The following NAALADL2 variants were observed in gnomAD, a reference collection of about 807,000 sequenced individuals.
NAALADL2 encodes inactive N-acetylated-alpha-linked acidic dipeptidase-like protein 2.
In NAALADL2, 76 loss-of-function variants were observed where a neutral mutation model predicts 87.2. The ratio of observed to expected loss-of-function variants is 0.87; its 90% CI spans 0.72 to 1.05. NAALADL2 has a LOEUF of 1.05. Among genes scored for constraint, NAALADL2 ranks in the 50% least tolerant of loss-of-function variants. The pLI is 0.00. For synonymous variants in NAALADL2, 354 were observed against 331.0 expected, an observed-to-expected ratio of 1.07 and a Z score of -0.75; for missense variants, 1,089 against 945.8, an observed-to-expected ratio of 1.15 and a Z score of -1.99.
At chr3:175,331,939 T>A (rs1761454916) in intron 5 of NAALADL2, among the ~76,000 whole-genome samples, 1 of 152,032 alleles carries the variant, frequency 6.6e-6, no homozygotes, top group African/African-American at 2.4e-5. Context: ...TGTAAACCAA[T>A]AACAAATGAG....
At chr3:175,342,143 C>A (rs1482494193) in intron 5 of NAALADL2, among the ~76,000 whole-genome samples, 1 of 152,018 alleles carries the variant, frequency 6.6e-6, no homozygotes, top group Non-Finnish European at 1.5e-5. Context: ...AATTCTTGGT[C>A]TCTTACATTT....
At chr3:175,343,208 CA>C (rs1405095417) in intron 5 of NAALADL2, among the ~76,000 whole-genome samples, 1 of 151,924 alleles carries the variant, frequency 6.6e-6, no homozygotes, top group African/African-American at 2.4e-5. Context: ...CCTCTACCTA[CA>C]ATACATTGCC....
intron 2 of NAALADL2, among the ~76,000 whole-genome samples, chr3:174,710,712 C>A (rs1730547502): frequency 6.6e-6 from 1 of 152,124 alleles, no homozygotes; most frequent in Admixed American, 6.5e-5. Flanking sequence ...AGAGAAATTC[C>A]TAGCTGATAG....
At chr3:174,802,828 C>T (rs1719001394) in intron 3 of NAALADL2, among the ~76,000 whole-genome samples, 1 of 152,120 alleles carries the variant, frequency 6.6e-6, no homozygotes, top group South Asian at 2.1e-4. Context: ...TTTTTTATGC[C>T]TGTATGGTAT....
chr3:174,767,778 C>T (rs529455428), intron 3 of NAALADL2, among the ~76,000 whole-genome samples: 1 of 152,308 alleles, frequency 6.6e-6, no homozygotes, highest in South Asian at 2.1e-4. Context: ...AGAACAACTG[C>T]TTATCCTTTT....
chr3:174,652,385 C>T (rs150383139), intron 2 of NAALADL2, among the ~76,000 whole-genome samples: 104 of 152,220 alleles, frequency 6.8e-4, no homozygotes, highest in African/African-American at 2.3e-3. Flanking sequence ...CATTGCTATA[C>T]GGATATATCC....
At chr3:175,658,951 T>C (rs1731886807) in intron 11 of NAALADL2, among the ~76,000 whole-genome samples, 1 of 152,084 alleles carries the variant, frequency 6.6e-6, no homozygotes, top group Non-Finnish European at 1.5e-5. Flanking sequence ...CACAGTTGTA[T>C]TTGCTATATT....
chr3:175,356,401 T>G (rs570885052), intron 5 of NAALADL2, among the ~76,000 whole-genome samples: 1 of 151,836 alleles, frequency 6.6e-6, no homozygotes, highest in African/African-American at 2.4e-5. Flanking sequence ...TAGTGAGACC[T>G]CATTTCTACA....
At chr3:175,665,819 T>C (rs563888607) in intron 11 of NAALADL2, among the ~76,000 whole-genome samples, 1 of 151,988 alleles carries the variant, frequency 6.6e-6, no homozygotes, top group East Asian at 1.9e-4. Context: ...TAGTCCCAGC[T>C]ACTAGGGAGG....
At position 174,763,829 on chromosome 3, in the gene NAALADL2, CAAAAAA is replaced by C. The variant is rs5854592; in HGVS notation, c.-9+26091_-9+26096del. 9.4e-5 allele frequency among the ~76,000 whole-genome samples: 13 copies of C among 138,166 alleles called. No homozygotes were observed. The South Asian group carries it at 1.3e-3, about 14-fold the overall frequency. The allele number at this position is 138,166 out of a possible 152,430, so 90.6% of individuals were successfully genotyped here. On this transcript the variant is annotated intron_variant, in intron 3 of 3. Coordinates refer to the NAALADL2 transcript ENST00000434257. ...TTAGAAAACTAAAACCAAAACAAAA[CAAAAAA>C]AAAAAAACAAACAAAATTTAAAAAA...
intron 1 of NAALADL2, among the ~76,000 whole-genome samples, chr3:174,519,311 A>T (rs1319519772): frequency 6.8e-5 from 10 of 148,096 alleles, no homozygotes; most frequent in African/African-American, 2.4e-4. Context: ...AAACAAGTGA[A>T]TGAATGAAGA....
chr3:175,459,892 T>G (rs1425744276), intron 6 of NAALADL2, among the ~76,000 whole-genome samples: 1 of 152,188 alleles, frequency 6.6e-6, no homozygotes, highest in Admixed American at 6.5e-5. Context: ...GTTTAATCAT[T>G]ACGTATATCT....
intron 11 of NAALADL2, among the ~76,000 whole-genome samples, chr3:175,727,648 T>C (rs912849250): frequency 6.6e-6 from 1 of 152,212 alleles, no homozygotes. Flanking sequence ...CTAATGTCTT[T>C]GAAAACTTAA....
chr3:174,900,131 T>C (rs1432574455), intron 1 of NAALADL2, among the ~76,000 whole-genome samples: 16 of 152,058 alleles, frequency 1.1e-4, no homozygotes, highest in Admixed American at 1.0e-3. Flanking sequence ...TATTACACCA[T>C]TTACAAAGCA....
rs1754583197 is a variant in NAALADL2, at chr3:175,805,065, A to G, written c.*1862A>G. 6.6e-6 allele frequency: 1 copy of G among 151,920 alleles called. No individual in the cohort carries two copies. The highest frequency in any genetic ancestry group is 1.5e-5 in the Non-Finnish European group (1 of 67,902). 9.4% of individuals were successfully genotyped at this position (151,920 alleles called of 1,614,324 possible). ...TCTTCCTCTTCAGAGATCATCAGAAAAGAGGTGGGAATACACAAGCAGGTG... is the reference window on the plus strand; with the variant it reads ...TCTTCCTCTTCAGAGATCATCAGAAGAGAGGTGGGAATACACAAGCAGGTG... On this transcript the variant is annotated 3_prime_UTR_variant, in exon 14 of 14. Transcript: ENST00000454872.
At chr3:175,013,194 A>G (rs1580014155) in intron 1 of NAALADL2, among the ~76,000 whole-genome samples, 1 of 112,540 alleles carries the variant, frequency 8.9e-6, no homozygotes, top group East Asian at 2.3e-4. Context: ...ATAAATATAT[A>G]TACATAAATA....
chr3:174,546,212 T>C (rs1722712525), intron 1 of NAALADL2, among the ~76,000 whole-genome samples: 1 of 152,114 alleles, frequency 6.6e-6, no homozygotes, highest in African/African-American at 2.4e-5. Flanking sequence ...AAGGAATTGA[T>C]TGAAGGTAGA....
At chr3:174,602,439 A>G (rs1718544094) in intron 2 of NAALADL2, among the ~76,000 whole-genome samples, 1 of 152,048 alleles carries the variant, frequency 6.6e-6, no homozygotes, top group Admixed American at 6.6e-5. Flanking sequence ...TAGAAATGCT[A>G]CTGACTTTTG....
chr3:174,604,501 G>A (rs1718782574), intron 2 of NAALADL2, among the ~76,000 whole-genome samples: 1 of 152,002 alleles, frequency 6.6e-6, no homozygotes, highest in African/African-American at 2.4e-5. Context: ...ACTGAGTCCT[G>A]TTTTTTGTTT....
Sources: allele counts gnomAD v4.1 joint callset (sites outside exome capture counted in the v4.1 genomes callset), GRCh38; gene constraint gnomAD v4.1.1; transcripts MANE v1.5; gene names NCBI Gene and HGNC (gene_info 2026-07-23, HGNC 2026-07-21).